TMEM132D: variants seen among roughly 807,000 people sequenced by gnomAD.
TMEM132D encodes the protein mature OL transmembrane protein.
In TMEM132D, 21 loss-of-function variants were observed where a neutral mutation model predicts 62.3. That is an observed-to-expected ratio of 0.34 (90% CI 0.24 to 0.49). TMEM132D has a LOEUF of 0.49. TMEM132D is among the 20% of genes least tolerant of loss of function. The pLI is 0.99. For synonymous variants in TMEM132D, 621 were observed against 575.6 expected, an observed-to-expected ratio of 1.08 and a Z score of -1.13; for missense variants, 1,346 against 1,402.8, an observed-to-expected ratio of 0.96 and a Z score of 0.65.
In TMEM132D at chr12:129,638,652, G is replaced by A. The variant is rs144790771; in HGVS notation, c.968+61158C>T. 3.0e-4 allele frequency among the ~76,000 whole-genome samples: 45 copies of A among 149,988 alleles called. 1 individual carries two copies. The highest frequency in any genetic ancestry group is 9.6e-4 in the African/African-American group (39 of 40,558). ...ATATATATGCTGAATCTCTGAAGGCGTTTAGAAAATGGACCCATGGAATTC... is the reference window on the plus strand; with the variant it reads ...ATATATATGCTGAATCTCTGAAGGCATTTAGAAAATGGACCCATGGAATTC... On this transcript the variant is annotated intron_variant, in intron 2 of 8. Coordinates refer to ENST00000422113, the MANE Select transcript of TMEM132D (RefSeq NM_133448.3).
chr12:129,577,826 G>A (rs1361876506), intron 2 of TMEM132D, among the ~76,000 whole-genome samples: 1 of 152,038 alleles, frequency 6.6e-6, no homozygotes, highest in Non-Finnish European at 1.5e-5. Flanking sequence ...TGTAGAGAGA[G>A]AGAATAGTTA....
At chr12:129,523,082 G>A (rs1875902259) in intron 3 of TMEM132D, among the ~76,000 whole-genome samples, 1 of 150,456 alleles carries the variant, frequency 6.6e-6, no homozygotes, top group Admixed American at 6.7e-5. Flanking sequence ...GGACACTAAG[G>A]GCTGCACATG....
rs147020873 is a variant in TMEM132D, at chr12:129,075,716, T to C, written c.2116-657A>G. On this transcript the variant is annotated intron_variant, in intron 8 of 8. Transcript: ENST00000422113. The stretch of plus-strand genomic sequence containing the variant: ...GCATCTTGATTGGAGAGTCTTCATC[T>C]CTTCCTCCACCCAACCCAACTGGAG... 1.2e-4 allele frequency among the ~76,000 whole-genome samples: 19 copies of C among 152,318 alleles called. No individual in the cohort carries two copies. The East Asian group carries it at 3.7e-3, about 29-fold the overall frequency.
chr12:129,699,821 G>C lies in TMEM132D; in HGVS notation c.957C>G (p.Arg319=), dbSNP rs1881332634. 4 of 1,613,800 alleles carry C rather than the reference G, an allele frequency of 2.5e-6. No homozygotes were observed. Among genetic ancestry groups the C allele is most frequent in the East Asian group, 2.2e-5 (1 of 44,900 alleles). ...GGGAAACGACTTACCTCAACGTGAA[G>C]CGATCTTCAGTGGAATTTCTGGAGA... ...VSISRNSTED[R]FTLRAKVKKG... Residue 319 remains arginine, a synonymous_variant, in exon 2 of 9, where the codon CGC becomes CGG. Coordinates refer to ENST00000422113, the MANE Select transcript of TMEM132D (RefSeq NM_133448.3).
At chr12:129,309,154 G>A (rs1230890348) in intron 4 of TMEM132D, among the ~76,000 whole-genome samples, 1 of 152,170 alleles carries the variant, frequency 6.6e-6, no homozygotes, top group East Asian at 1.9e-4. Flanking sequence ...TTTGGTTCTT[G>A]ATAGCAAAAC....
intron 3 of TMEM132D, among the ~76,000 whole-genome samples, chr12:129,450,901 G>A (rs1191610785): frequency 1.6e-4 from 1 of 6,436 alleles, no homozygotes; most frequent in African/African-American, 2.6e-4. Context: ...GATTACAGGT[G>A]CCTGCCACCA....
At chr12:129,263,033 C>A (rs1342742885) in intron 4 of TMEM132D, among the ~76,000 whole-genome samples, 1 of 152,104 alleles carries the variant, frequency 6.6e-6, no homozygotes, top group East Asian at 1.9e-4. Context: ...CGTCTGAGAA[C>A]GTATTCTCCA....
chr12:129,719,453 A>G (rs1256601756), intron 1 of TMEM132D, among the ~76,000 whole-genome samples: 1 of 152,252 alleles, frequency 6.6e-6, no homozygotes, highest in African/African-American at 2.4e-5. Context: ...CAGCACAATA[A>G]GAAAATGATT....
intron 1 of TMEM132D, among the ~76,000 whole-genome samples, chr12:129,900,688 C>A (rs1032306728): frequency 6.6e-6 from 1 of 152,314 alleles, no homozygotes; most frequent in East Asian, 1.9e-4. Context: ...ACCCTCCATA[C>A]ACCTGCCCCC....
chr12:129,811,401 G>C (rs542818789), intron 1 of TMEM132D, among the ~76,000 whole-genome samples: 17 of 151,640 alleles, frequency 1.1e-4, no homozygotes, highest in African/African-American at 3.9e-4. Context: ...CCCAATGCTT[G>C]AAGTCCTGGC....
chr12:129,711,838 T>TA (rs1002500911), intron 1 of TMEM132D, among the ~76,000 whole-genome samples: 6 of 148,910 alleles, frequency 4.0e-5, no homozygotes, highest in Non-Finnish European at 7.4e-5. Flanking sequence ...TAAAGGATTA[T>TA]AAAAAATCCA....
At chr12:129,210,096 T>G in intron 4 of TMEM132D, 1 of 163,352 alleles carries the variant, frequency 6.1e-6, no homozygotes, top group Non-Finnish European at 1.3e-5. Context: ...TAGAAATTAA[T>G]GAAGGCAGGA....
chr12:129,609,796 G>C (rs1414374339), intron 2 of TMEM132D, among the ~76,000 whole-genome samples: 2 of 152,146 alleles, frequency 1.3e-5, no homozygotes. Flanking sequence ...CCACACCCCT[G>C]TTACCACGTG....
rs560334536 is a variant in TMEM132D, at chr12:129,700,071, C to T, written c.707G>A (p.Arg236Lys). ...CGCGTCTTCCCTGACGCAGTCCCCT[C>T]TCTCACCCCCTGGGTGCACGGTGTA... ...LYYTVHPGGERGDCVREDARR... is the reference protein window; with the variant it reads ...LYYTVHPGGEKGDCVREDARR... Residue 236 changes from arginine to lysine, a missense_variant, in exon 2 of 9, where the codon AGA (arginine) becomes AAA (lysine). Transcript: ENST00000422113. The T allele has an allele frequency of 1.7e-5, 28 of 1,613,744 alleles. No homozygotes were observed. Among genetic ancestry groups the T allele is most frequent in the Non-Finnish European group, 2.1e-5 (25 of 1,180,032 alleles).
intron 5 of TMEM132D, among the ~76,000 whole-genome samples, chr12:129,171,523 C>T (rs1877728247): frequency 6.6e-6 from 1 of 152,186 alleles, no homozygotes; most frequent in Non-Finnish European, 1.5e-5. Flanking sequence ...TTGCTCAGGC[C>T]CATCAGAGGA....
At chr12:129,897,925 C>T (rs1875201953) in intron 1 of TMEM132D, among the ~76,000 whole-genome samples, 1 of 152,188 alleles carries the variant, frequency 6.6e-6, no homozygotes, top group African/African-American at 2.4e-5. Context: ...TATCAGAAGT[C>T]AGCAGAATGG....
intron 3 of TMEM132D, among the ~76,000 whole-genome samples, chr12:129,433,769 C>T (rs940258077): frequency 4.3e-4 from 66 of 152,216 alleles, no homozygotes; most frequent in African/African-American, 1.3e-3. Flanking sequence ...TGAAACCCCA[C>T]GAAGGGATGC....
At chr12:129,710,534 T>C (rs2137235664) in intron 1 of TMEM132D, among the ~76,000 whole-genome samples, 1 of 152,282 alleles carries the variant, frequency 6.6e-6, no homozygotes, top group East Asian at 1.9e-4. Flanking sequence ...CGACCTCAGG[T>C]GATCCACCCA....
At chr12:129,875,631 C>T (rs971032508) in intron 1 of TMEM132D, among the ~76,000 whole-genome samples, 1 of 152,180 alleles carries the variant, frequency 6.6e-6, no homozygotes, top group South Asian at 2.1e-4. Flanking sequence ...TCTGTGGCTA[C>T]TCTGTGGCCT....
Sources: allele counts gnomAD v4.1 joint callset (sites outside exome capture counted in the v4.1 genomes callset), GRCh38; gene constraint gnomAD v4.1.1; transcripts MANE v1.5; gene names NCBI Gene and HGNC (gene_info 2026-07-23, HGNC 2026-07-21).